MFHAS1: variants seen among roughly 807,000 people sequenced by gnomAD.
MFHAS1 encodes malignant fibrous histiocytoma-amplified sequence 1.
In MFHAS1, 50 loss-of-function variants were observed where a neutral mutation model predicts 70.4. The ratio of observed to expected loss-of-function variants is 0.71; its 90% CI spans 0.57 to 0.90. MFHAS1 has a LOEUF of 0.90. Ranked by LOEUF, MFHAS1 falls within the 40% of genes least tolerant of loss-of-function variation. MFHAS1 has a pLI of 0.00. For synonymous variants in MFHAS1, 952 were observed against 620.0 expected (o/e 1.54, Z -7.96); for missense variants, 1,795 against 1,347.6 (o/e 1.33, Z -5.20).
intron 1 of MFHAS1, among the ~76,000 whole-genome samples, chr8:8,850,694 G>A (rs1419910098): frequency 4.0e-5 from 6 of 151,790 alleles, no homozygotes; most frequent in South Asian, 2.1e-4. Flanking sequence ...AATTAGCCTC[G>A]CTTGGTGGCG....
intron 1 of MFHAS1, among the ~76,000 whole-genome samples, chr8:8,863,881 G>T (rs1018755602): frequency 1.3e-5 from 2 of 152,020 alleles, no homozygotes; most frequent in African/African-American, 2.4e-5. Flanking sequence ...AACCATCAGG[G>T]CTCCCAGATA....
At chr8:8,815,854 C>A (rs1308629316) in intron 1 of MFHAS1, among the ~76,000 whole-genome samples, 1 of 152,104 alleles carries the variant, frequency 6.6e-6, no homozygotes, top group Non-Finnish European at 1.5e-5. Context: ...CTTGTAGCAG[C>A]TTCATCTGAA....
intron 1 of MFHAS1, among the ~76,000 whole-genome samples, chr8:8,841,482 A>G (rs1044506244): frequency 2.0e-5 from 3 of 148,944 alleles, no homozygotes; most frequent in African/African-American, 4.9e-5. Flanking sequence ...AAAAAAAAAG[A>G]CTTCTTTTTG....
In MFHAS1 at chr8:8,806,510, A is replaced by G. The variant is rs931967887; in HGVS notation, c.2999-9019T>C. Among the ~76,000 whole-genome samples the G allele has an allele frequency of 7.9e-4, 121 of 152,244 alleles. 1 individual carries two copies. The highest frequency in any genetic ancestry group is 2.2e-4 in the Non-Finnish European group (15 of 68,046). On this transcript the variant is annotated intron_variant, in intron 1 of 2. Transcript: ENST00000276282. ...GTTCTAAAAGACAGAACAATAGCAA[A>G]GTAAAATATTGTTCTATATCAAAGT... is the stretch of plus-strand genomic sequence containing the variant.
intron 1 of MFHAS1, among the ~76,000 whole-genome samples, chr8:8,824,540 CA>C (rs1807084813): frequency 1.9e-5 from 1 of 51,896 alleles, no homozygotes; most frequent in African/African-American, 4.3e-5. Context: ...CACACACACA[CA>C]CACACACACA....
At chr8:8,840,464 A>C (rs1481132036) in intron 1 of MFHAS1, among the ~76,000 whole-genome samples, 1 of 107,310 alleles carries the variant, frequency 9.3e-6, no homozygotes, top group Non-Finnish European at 2.2e-5. Flanking sequence ...CTCAATACAA[A>C]AAAAAAAAAA....
In MFHAS1 at chr8:8,890,263, G is replaced by A. The variant is rs1376421084; in HGVS notation, c.2796C>T (p.Ala932=). ...GGGTGTCTGGCTGCAGGACTCCCCT[G>A]GCAGGTCTGTAACTCACAACCACAG... The part of the protein sequence containing the change: ...KVPVVVSYRP[A]RGVLQPDTLS... Residue 932 remains alanine, a synonymous_variant, in exon 1 of 3, where the codon GCC becomes GCT. Coordinates refer to ENST00000276282, the MANE Select transcript of MFHAS1 (RefSeq NM_004225.3). 3.1e-6 allele frequency: 5 copies of A among 1,614,050 alleles called. No homozygotes were observed. The highest frequency in any genetic ancestry group is 4.2e-6 in the Non-Finnish European group (5 of 1,180,042).
At chr8:8,868,003 G>A (rs1808927361) in intron 1 of MFHAS1, among the ~76,000 whole-genome samples, 1 of 152,098 alleles carries the variant, frequency 6.6e-6, no homozygotes, top group Admixed American at 6.5e-5. Flanking sequence ...CCACTCAGTT[G>A]GAAGAATCCT....
intron 1 of MFHAS1, among the ~76,000 whole-genome samples, chr8:8,840,303 A>C (rs1447804542): frequency 6.6e-6 from 1 of 152,152 alleles, no homozygotes; most frequent in Non-Finnish European, 1.5e-5. Context: ...CTAAAAATAC[A>C]AAAATTAGCC....
chr8:8,892,542 G>A lies in MFHAS1; in HGVS notation c.517C>T (p.Leu173=). 1.3e-6 allele frequency: 2 copies of A among 1,597,260 alleles called. No homozygotes were observed. Among genetic ancestry groups the A allele is most frequent in the South Asian group, 1.1e-5 (1 of 89,400 alleles). Residue 173 remains leucine, a synonymous_variant, in exon 1 of 3, where the codon CTG becomes TTG. Transcript: ENST00000276282. The surrounding 1 kb of genome is among the most constrained non-coding windows in gnomAD (Gnocchi z 4.7). ...GAGAGGCAGGAGAGGGAGTCAGGCA[G>A]GTGCGCCAGCCGGTTAAAGCTGACA... ...LDVSFNRLAH[L]PDSLSCLSRL... is the part of the protein sequence containing the mutation.
intron 1 of MFHAS1, among the ~76,000 whole-genome samples, chr8:8,809,591 G>A (rs888133691): frequency 1.3e-5 from 2 of 152,162 alleles, no homozygotes; most frequent in African/African-American, 4.8e-5. Flanking sequence ...CTCGCTAAGG[G>A]TTTATATAAA....
intron 1 of MFHAS1, among the ~76,000 whole-genome samples, chr8:8,872,304 G>A (rs1442519671): frequency 6.6e-6 from 1 of 152,172 alleles, no homozygotes; most frequent in Non-Finnish European, 1.5e-5. Context: ...AGTGGGTTAT[G>A]ATCTCGATGG....
At chr8:8,848,396 A>AG (rs1260445566) in intron 1 of MFHAS1, among the ~76,000 whole-genome samples, 1 of 96,412 alleles carries the variant, frequency 1.0e-5, no homozygotes, top group Non-Finnish European at 2.3e-5. Flanking sequence ...CTAAAGAGGA[A>AG]GAAAAAAAAA....
intron 1 of MFHAS1, among the ~76,000 whole-genome samples, chr8:8,870,871 G>C (rs946770461): frequency 9.2e-5 from 14 of 152,146 alleles, no homozygotes; most frequent in African/African-American, 3.4e-4. Context: ...TTATAGTCCA[G>C]TACTGCAATG....
chr8:8,836,149 T>C (rs1807586501), intron 1 of MFHAS1, among the ~76,000 whole-genome samples: 2 of 152,234 alleles, frequency 1.3e-5, no homozygotes, highest in Admixed American at 6.5e-5. Context: ...AGTGATGTTA[T>C]TTCTTTTTAA....
intron 1 of MFHAS1, 61 bp downstream of exon 1, chr8:8,890,000 G>T: frequency 2.2e-6 from 3 of 1,353,322 alleles, no homozygotes; most frequent in Non-Finnish European, 2.0e-6. Flanking sequence ...TGACAACCAA[G>T]TATCTCCAAA....
intron 1 of MFHAS1, among the ~76,000 whole-genome samples, chr8:8,860,408 C>T (rs1426913514): frequency 6.6e-6 from 1 of 152,320 alleles, no homozygotes; most frequent in East Asian, 1.9e-4. Flanking sequence ...AGAAAATACG[C>T]CAGTTAGGAA....
At position 8,891,804 on chromosome 8, in the gene MFHAS1, C is replaced by G. The variant is rs762871662; in HGVS notation, c.1255G>C (p.Ala419Pro). Residue 419 changes from alanine (A) to proline (P), a missense_variant, in exon 1 of 3, where the codon GCT (alanine) becomes CCT (proline). Ala to Pro is a conservative substitution (Grantham distance 27). Coordinates refer to ENST00000276282, the MANE Select transcript of MFHAS1 (RefSeq NM_004225.3). This position sits in a 1 kb window ranked among gnomAD's most constrained non-coding sequence, Gnocchi z 5.4. ...RLKLLLMGHK[A>P]AGKTLLRHCL... Reference sequence around the variant, plus strand: ...TGGCGCAGCAAAGTCTTTCCTGCAGCCTTATGCCCCATCAGGAGCAGCTTG... The same window carrying G: ...TGGCGCAGCAAAGTCTTTCCTGCAGGCTTATGCCCCATCAGGAGCAGCTTG... The G allele has an allele frequency of 2.5e-6, 4 of 1,613,358 alleles. No individual in the cohort carries two copies. The highest frequency in any genetic ancestry group is 1.1e-5 in the South Asian group (1 of 91,080).
At chr8:8,845,234 T>C (rs1807985404) in intron 1 of MFHAS1, among the ~76,000 whole-genome samples, 2 of 152,268 alleles carry the variant, frequency 1.3e-5, no homozygotes, top group Non-Finnish European at 2.9e-5. Flanking sequence ...GGTAGTTTTC[T>C]AGGTTAGTTC....
Sources: allele counts gnomAD v4.1 joint callset (sites outside exome capture counted in the v4.1 genomes callset), GRCh38; gene constraint gnomAD v4.1.1; non-coding constraint Gnocchi (gnomAD v3.1); transcripts MANE v1.5; gene names NCBI Gene and HGNC (gene_info 2026-07-23, HGNC 2026-07-21).